Variants in CCDC73 observed in about 807,000 individuals in gnomAD.
CCDC73 encodes the protein coiled-coil domain-containing protein 73.
A neutral mutation model predicts 116.5 loss-of-function variants in CCDC73; 95 were observed. The observed-to-expected ratio is 0.82, with a 90% confidence interval of 0.69 to 0.97. The LOEUF (loss-of-function observed/expected upper bound fraction) is 0.97. Ranked by LOEUF, CCDC73 falls within the 50% of genes least tolerant of loss-of-function variation. The pLI is 0.00. For synonymous variants in CCDC73, 398 were observed against 401.3 expected (o/e 0.99, Z 0.10); for missense variants, 1,066 against 1,206.8 (o/e 0.88, Z 1.73).
At chr11:32,665,913 T>G (rs930489741) in intron 9 of CCDC73, among the ~76,000 whole-genome samples, 1 of 152,216 alleles carries the variant, frequency 6.6e-6, no homozygotes, top group African/African-American at 2.4e-5. Context: ...CTCCTTCACT[T>G]ATGAAGCTTA....
chr11:32,648,910 T>C (rs1855802502), intron 12 of CCDC73, among the ~76,000 whole-genome samples: 1 of 152,186 alleles, frequency 6.6e-6, no homozygotes, highest in African/African-American at 2.4e-5. Context: ...TTAAGTATAG[T>C]ATATTCTATT....
Position 32,703,675 on chromosome 11 carries a change from T to G in CCDC73, c.208-731A>C, listed in dbSNP as rs114305199. On this transcript the variant is annotated intron_variant, in intron 3 of 17. Transcript: ENST00000335185. ...AAGCAGAAATGCTTACCTGGCAACA[T>G]ATACACCTTTAAGTTCCCTGGAATA... Among the ~76,000 whole-genome samples the G allele has an allele frequency of 7.1e-3, 1,085 of 152,264 alleles. 17 individuals carry two copies. The highest frequency in any genetic ancestry group is 0.025 in the African/African-American group (1,047 of 41,556).
chr11:32,713,398 G>A (rs1001890603), intron 3 of CCDC73, among the ~76,000 whole-genome samples: 3 of 152,046 alleles, frequency 2.0e-5, no homozygotes, highest in African/African-American at 7.2e-5. Context: ...TCCGATCTCA[G>A]TAGGAATCCC....
At chr11:32,807,145 G>GCCTAATCA in the CCDC73 span, among the ~76,000 whole-genome samples, 1 of 152,130 alleles carries the variant, frequency 6.6e-6, no homozygotes, top group Non-Finnish European at 1.5e-5. Context: ...CTTCAAATAT[G>GCCTAATCA]CCTAATCACA....
chr11:32,805,872 T>C, the CCDC73 span, among the ~76,000 whole-genome samples: 2 of 152,206 alleles, frequency 1.3e-5, no homozygotes, highest in African/African-American at 2.4e-5. Context: ...CACAGGCCTA[T>C]ACTCAAGTAT....
At chr11:32,741,578 G>A (rs1310177772) in intron 2 of CCDC73, among the ~76,000 whole-genome samples, 1 of 151,532 alleles carries the variant, frequency 6.6e-6, no homozygotes, top group Non-Finnish European at 1.5e-5. Context: ...GACTTTATAG[G>A]TGAAGTGTGT....
chr11:32,761,485 G>C (rs1258265132), intron 1 of CCDC73, among the ~76,000 whole-genome samples: 1 of 152,080 alleles, frequency 6.6e-6, no homozygotes, highest in Non-Finnish European at 1.5e-5. Context: ...TGAATATTGA[G>C]TCCATTTTTA....
chr11:32,607,788 G>A (rs561713211), intron 17 of CCDC73, among the ~76,000 whole-genome samples: 25 of 146,352 alleles, frequency 1.7e-4, no homozygotes, highest in Admixed American at 2.8e-4. Flanking sequence ...TTCTCACGCC[G>A]CTAATAAAGA....
chr11:32,702,888 T>A lies in CCDC73; in HGVS notation c.264A>T (p.Ala88=). The part of the protein sequence containing the change: ...TLAEQHKEAM[A]VFKKQLQMKM... Reference sequence around the variant, plus strand: ...ATGAAATTACCTGCTTTTTAAAAACTGCCATTGCTTCCTTGTGTTGCTCTG... The same window carrying A: ...ATGAAATTACCTGCTTTTTAAAAACAGCCATTGCTTCCTTGTGTTGCTCTG... Residue 88 remains alanine (A), a synonymous_variant, in exon 4 of 18, where the codon GCA becomes GCT. Coordinates refer to ENST00000335185, the MANE Select transcript of CCDC73 (RefSeq NM_001008391.4). The A allele has an allele frequency of 1.2e-6, 2 of 1,611,282 alleles. No homozygotes were observed. The highest frequency in any genetic ancestry group is 2.2e-5 in the South Asian group (2 of 91,046).
chr11:32,664,433 A>C (rs1490919980), intron 9 of CCDC73, among the ~76,000 whole-genome samples: 2 of 152,056 alleles, frequency 1.3e-5, no homozygotes, highest in African/African-American at 4.8e-5. Flanking sequence ...CCAGGAATTT[A>C]TTCATTTCTT....
At chr11:32,675,398 T>C (rs1845982417) in intron 9 of CCDC73, among the ~76,000 whole-genome samples, 167 bp downstream of exon 9, 1 of 152,210 alleles carries the variant, frequency 6.6e-6, no homozygotes, top group Non-Finnish European at 1.5e-5. Flanking sequence ...TTGCAACAAA[T>C]GCACTAATTA....
intron 2 of CCDC73, among the ~76,000 whole-genome samples, chr11:32,744,788 T>G (rs1416880500): frequency 6.6e-6 from 1 of 152,184 alleles, no homozygotes; most frequent in Non-Finnish European, 1.5e-5. Context: ...ACTATTTGAT[T>G]CTTCTCTCTT....
chr11:32,621,646 C>A (rs1855523990), intron 14 of CCDC73, among the ~76,000 whole-genome samples: 1 of 152,070 alleles, frequency 6.6e-6, no homozygotes, highest in East Asian at 1.9e-4. Context: ...CCAAAAGCAA[C>A]TGCAACAAAA....
At chr11:32,659,586 T>C (rs1249582509) in intron 9 of CCDC73, among the ~76,000 whole-genome samples, 1 of 152,176 alleles carries the variant, frequency 6.6e-6, no homozygotes, top group Non-Finnish European at 1.5e-5. Context: ...CATAAACCAA[T>C]CATTTTATGT....
At chr11:32,759,356 A>G (rs1353446106) in intron 2 of CCDC73, among the ~76,000 whole-genome samples, 2 of 134,146 alleles carry the variant, frequency 1.5e-5, no homozygotes, top group African/African-American at 5.8e-5. Context: ...CTTGAGATAG[A>G]GTCTTGCTCC....
At chr11:32,672,112 CGGGCA>C (rs1856044924) in intron 9 of CCDC73, among the ~76,000 whole-genome samples, 1 of 152,104 alleles carries the variant, frequency 6.6e-6, no homozygotes, top group Non-Finnish European at 1.5e-5. Flanking sequence ...GAACTTTGGG[CGGGCA>C]GATCACTTGA....
intron 9 of CCDC73, among the ~76,000 whole-genome samples, chr11:32,662,557 G>C (rs180740219): frequency 1.3e-5 from 2 of 150,992 alleles, no homozygotes; most frequent in East Asian, 4.0e-4. Flanking sequence ...TTGTAAATTT[G>C]TTTGAGTCCT....
At chr11:32,652,218 C>A (rs1452365760) in intron 12 of CCDC73, among the ~76,000 whole-genome samples, 1 of 151,682 alleles carries the variant, frequency 6.6e-6, no homozygotes, top group Non-Finnish European at 1.5e-5. Context: ...GCAGGAGAAT[C>A]GCTTGAACCC....
the CCDC73 span, among the ~76,000 whole-genome samples, chr11:32,800,149 A>C: frequency 2.4e-4 from 36 of 152,334 alleles, no homozygotes; most frequent in African/African-American, 8.7e-4. Flanking sequence ...TATATAATAT[A>C]GTAACATGTC....
Sources: gnomAD v4.1 joint callset for allele counts (sites outside exome capture counted in the v4.1 genomes callset) on GRCh38, gnomAD v4.1.1 for gene constraint, MANE v1.5 for transcripts, NCBI Gene and HGNC (gene_info 2026-07-23, HGNC 2026-07-21) for gene names.